PTPRN2: variants seen among roughly 807,000 people sequenced by gnomAD.
PTPRN2 encodes the protein receptor-type tyrosine-protein phosphatase N2.
In PTPRN2, 74 loss-of-function variants were observed where a neutral mutation model predicts 118.8. The observed-to-expected ratio is 0.62, with a 90% confidence interval of 0.52 to 0.76. The LOEUF is 0.76. Among genes scored for constraint, PTPRN2 ranks in the 30% least tolerant of loss-of-function variants. The pLI, the probability that PTPRN2 is intolerant of heterozygous loss-of-function variation, is 0.00. For missense variants in PTPRN2, 1,481 were observed against 1,394.4 expected, an observed-to-expected ratio of 1.06 and a Z score of -0.99; for synonymous variants, 641 against 608.0, an observed-to-expected ratio of 1.05 and a Z score of -0.80.
chr7:158,048,128 T>C (rs1809016328), intron 11 of PTPRN2, among the ~76,000 whole-genome samples: 1 of 139,500 alleles, frequency 7.2e-6, no homozygotes, highest in African/African-American at 2.9e-5. Flanking sequence ...AATACACATA[T>C]GTATACACAC....
At chr7:157,678,635 G>A (rs1053191933) in intron 13 of PTPRN2, among the ~76,000 whole-genome samples, 1 of 152,174 alleles carries the variant, frequency 6.6e-6, no homozygotes, top group African/African-American at 2.4e-5. Context: ...CAGCAGCAGC[G>A]ACCGAGACGT....
At chr7:158,520,586 T>C (rs988505836) in intron 1 of PTPRN2, among the ~76,000 whole-genome samples, 12 of 152,184 alleles carry the variant, frequency 7.9e-5, no homozygotes, top group Non-Finnish European at 2.9e-5. Flanking sequence ...GGAGCAACAG[T>C]GGCTCCAACC....
intron 9 of PTPRN2, among the ~76,000 whole-genome samples, chr7:158,121,579 G>A (rs1288468668): frequency 6.6e-6 from 1 of 152,182 alleles, no homozygotes; most frequent in African/African-American, 2.4e-5. Context: ...AAACCAAGGG[G>A]ATGGTATGAG....
intron 1 of PTPRN2, among the ~76,000 whole-genome samples, chr7:158,547,950 T>C (rs1433490455): frequency 6.6e-6 from 1 of 152,190 alleles, no homozygotes; most frequent in African/African-American, 2.4e-5. Flanking sequence ...AGGCACGACC[T>C]TGCCCATGGG....
intron 3 of PTPRN2, among the ~76,000 whole-genome samples, chr7:158,246,383 T>G (rs1046879532): frequency 1.3e-5 from 2 of 148,254 alleles, no homozygotes; most frequent in Non-Finnish European, 1.5e-5. Context: ...AGATTTGGAG[T>G]CGAGACGCGT....
chr7:157,981,220 T>C (rs1216701282), intron 11 of PTPRN2, among the ~76,000 whole-genome samples: 1 of 152,256 alleles, frequency 6.6e-6, no homozygotes, highest in Admixed American at 6.5e-5. Flanking sequence ...TCAGAGGAAC[T>C]GCAGACAGTG....
At chr7:158,464,198 AT>A (rs1819225991) in intron 2 of PTPRN2, among the ~76,000 whole-genome samples, 2 of 52,934 alleles carry the variant, frequency 3.8e-5, no homozygotes, top group African/African-American at 1.5e-4. Flanking sequence ...ATCCTTCATC[AT>A]CACCATCATC....
intron 10 of PTPRN2, among the ~76,000 whole-genome samples, chr7:158,087,436 A>G (rs968478033): frequency 6.6e-6 from 1 of 152,252 alleles, no homozygotes; most frequent in Admixed American, 6.5e-5. Context: ...CTGATGCAAG[A>G]GCAGGAAGAG....
chr7:157,865,101 A>C (rs1810549786), intron 12 of PTPRN2: 2 of 152,304 alleles, frequency 1.3e-5, no homozygotes, highest in Admixed American at 6.5e-5. Flanking sequence ...TGGCCACCGA[A>C]ATGGAGAGGA....
intron 2 of PTPRN2, among the ~76,000 whole-genome samples, chr7:158,334,718 G>GTCAC (rs66664333): frequency 0.028 from 144 of 5,104 alleles, 18 homozygotes; most frequent in Non-Finnish European, 0.06. Context: ...ACCTGCAGAC[G>GTCAC]TCACACCCAC....
Position 157,810,753 on chromosome 7 carries a change from C to T in PTPRN2, c.1788+87920G>A, listed in dbSNP as rs997325879. Among the ~76,000 whole-genome samples, 8 of 137,622 alleles carry T rather than the reference C, an allele frequency of 5.8e-5. No individual in the cohort carries two copies. In the East Asian group the frequency reaches 9.3e-4, roughly 16 times the overall value. The allele number at this position is 137,622 out of a possible 152,430, so 90.3% of individuals were successfully genotyped here. A position where few individuals can be genotyped will look rare whatever the true frequency, so the allele number is the denominator to read the frequency against. ...GCTGGAGGCTGGCTCTCCACGGGGACGGCGGGACTGCTGGGCACAGGCTCT... is the reference window on the plus strand; with the variant it reads ...GCTGGAGGCTGGCTCTCCACGGGGATGGCGGGACTGCTGGGCACAGGCTCT... On this transcript the variant is annotated intron_variant, in intron 12 of 22. Coordinates refer to ENST00000389418, the MANE Select transcript of PTPRN2 (RefSeq NM_002847.5).
At position 158,054,042 on chromosome 7, in the gene PTPRN2, C is replaced by CCCAGAGATGCAGAGACT. The variant is rs1563366669; in HGVS notation, c.1723+27255_1723+27256insAGTCTCTGCATCTCTGG. ...GCAGAGACTCCAGAGATGCAGAGACCCCAGAGATGCAGAGATCCTAGAGAT... is the reference window on the plus strand; with the variant it reads ...GCAGAGACTCCAGAGATGCAGAGACCCCAGAGATGCAGAGACTCCAGAGATGCAGAGATCCTAGAGAT... On this transcript the variant is annotated intron_variant, in intron 11 of 22. Coordinates refer to ENST00000389418, the MANE Select transcript of PTPRN2 (RefSeq NM_002847.5). 6.0e-5 allele frequency among the ~76,000 whole-genome samples: 9 copies of CCCAGAGATGCAGAGACT among 150,158 alleles called. No homozygotes were observed. In the East Asian group the frequency reaches 1.6e-3, roughly 26 times the overall value.
At chr7:158,314,539 C>T (rs117379346) in intron 3 of PTPRN2, among the ~76,000 whole-genome samples, 9,881 of 152,380 alleles carry the variant, frequency 0.065, 448 homozygotes, top group Middle Eastern at 0.12. Context: ...CATCGCCAAA[C>T]GACAGTGGCA....
At chr7:157,925,212 CA>C (rs1798906846) in intron 11 of PTPRN2, among the ~76,000 whole-genome samples, 1 of 148,590 alleles carries the variant, frequency 6.7e-6, no homozygotes, top group Admixed American at 6.6e-5. Flanking sequence ...GCACGTCAGG[CA>C]AATGCAGTTA....
intron 3 of PTPRN2, among the ~76,000 whole-genome samples, chr7:158,277,007 G>A (rs1197816571): frequency 6.6e-6 from 1 of 152,162 alleles, no homozygotes; most frequent in Non-Finnish European, 1.5e-5. Context: ...GTGGGGTGGG[G>A]GGCACTGACT....
Position 157,765,065 on chromosome 7 carries a change from TCATCCATG to T in PTPRN2, c.1789-82136_1789-82129del, listed in dbSNP as rs558275913. ...CATCCATCCCTCCATCCTTCCTCCA[TCATCCATG>T]CATCCATACCTCCATCCATCCAACC... On this transcript the variant is annotated intron_variant, in intron 12 of 22. Coordinates refer to ENST00000389418, the MANE Select transcript of PTPRN2 (RefSeq NM_002847.5). 9.0e-3 allele frequency among the ~76,000 whole-genome samples: 1,331 copies of T among 148,426 alleles called. 13 individuals carry two copies. The highest frequency in any genetic ancestry group is 0.011 in the Non-Finnish European group (716 of 67,108).
chr7:158,317,884 C>T (rs1005792857), intron 2 of PTPRN2, among the ~76,000 whole-genome samples: 1 of 152,192 alleles, frequency 6.6e-6, no homozygotes, highest in Non-Finnish European at 1.5e-5. Flanking sequence ...CTCACGACGA[C>T]GGGGCCGGGT....
At chr7:158,453,608 T>TGGGTGTAGG (rs71200025) in intron 2 of PTPRN2, among the ~76,000 whole-genome samples, 10 of 151,794 alleles carry the variant, frequency 6.6e-5, no homozygotes, top group African/African-American at 1.9e-4. Flanking sequence ...CTGTTGCCCC[T>TGGGTGTAGG]GGGTGAGCTC....
chr7:158,249,390 TACC>T (rs1796512160), intron 3 of PTPRN2, among the ~76,000 whole-genome samples: 3 of 119,366 alleles, frequency 2.5e-5, no homozygotes, highest in East Asian at 2.5e-4. Context: ...TACACATATC[TACC>T]ACACCTGCAC....
Sources: gnomAD v4.1 joint callset for allele counts (sites outside exome capture counted in the v4.1 genomes callset) on GRCh38, gnomAD v4.1.1 for gene constraint, MANE v1.5 for transcripts, NCBI Gene and HGNC (gene_info 2026-07-23, HGNC 2026-07-21) for gene names.